Variants in NLGN1 observed in about 807,000 individuals in gnomAD.
NLGN1 encodes the protein neuroligin-1.
In NLGN1, 12 loss-of-function variants were observed where a neutral mutation model predicts 65.5. That is an observed-to-expected ratio of 0.18 (90% CI 0.12 to 0.30). NLGN1 has a LOEUF of 0.30. Among genes scored for constraint, NLGN1 ranks in the 10% least tolerant of loss-of-function variants. The pLI is 1.00. For synonymous variants in NLGN1, 350 were observed against 359.5 expected (o/e 0.97, Z 0.30); for missense variants, 750 against 1,007.1 (o/e 0.74, Z 3.46).
chr3:173,747,634 A>G (rs1185502874), intron 3 of NLGN1, among the ~76,000 whole-genome samples: 1 of 150,566 alleles, frequency 6.6e-6, no homozygotes, highest in Non-Finnish European at 1.5e-5. Flanking sequence ...AGTGACACAT[A>G]TTTCCTTTTT....
chr3:173,737,613 A>C (rs1390028853), intron 3 of NLGN1, among the ~76,000 whole-genome samples: 1 of 152,230 alleles, frequency 6.6e-6, no homozygotes, highest in East Asian at 1.9e-4. Context: ...TTGCACAATA[A>C]TATTACATTG....
In NLGN1 at chr3:173,456,550, T is replaced by A. The variant is rs193017494; in HGVS notation, c.-321+21472T>A. On this transcript the variant is annotated intron_variant, in intron 2 of 6. Coordinates refer to ENST00000457714, the Ensembl canonical transcript of NLGN1. ...AAGAGCACCTGGATTACAGGAAACA[T>A]TCAATGATTGTAGCTATAGTATCTG... Among the ~76,000 whole-genome samples the A allele has an allele frequency of 1.3e-3, 204 of 152,286 alleles. 1 individual carries two copies. Among genetic ancestry groups the A allele is most frequent in the African/African-American group, 4.8e-3 (198 of 41,572 alleles).
chr3:173,865,240 T>C (rs1488939827), intron 4 of NLGN1, among the ~76,000 whole-genome samples: 2 of 152,140 alleles, frequency 1.3e-5, no homozygotes, highest in Admixed American at 6.6e-5. Context: ...TTCACTGAGT[T>C]TCTTTTTTTT....
chr3:173,782,780 C>T (rs1489064795), intron 3 of NLGN1, among the ~76,000 whole-genome samples: 3 of 150,450 alleles, frequency 2.0e-5, no homozygotes, highest in Non-Finnish European at 2.9e-5. Context: ...CATGTCTTAT[C>T]ACCTTGCTTA....
intron 2 of NLGN1, among the ~76,000 whole-genome samples, chr3:173,592,863 C>T (rs1053463503): frequency 6.6e-6 from 1 of 151,994 alleles, no homozygotes; most frequent in Admixed American, 6.6e-5. Context: ...GATCTCACAC[C>T]CCTAAAATGG....
At chr3:173,445,267 C>CAAAAA (rs60140480) in intron 2 of NLGN1, among the ~76,000 whole-genome samples, 37 of 103,482 alleles carry the variant, frequency 3.6e-4, no homozygotes, top group African/African-American at 1.5e-3. Context: ...GACTCCGTCT[C>CAAAAA]AAAAAAAAAA....
At chr3:174,221,868 G>A (rs1738726503) in intron 4 of NLGN1, among the ~76,000 whole-genome samples, 1 of 151,720 alleles carries the variant, frequency 6.6e-6, no homozygotes, top group South Asian at 2.1e-4. Context: ...TTATCACATG[G>A]ACTTCTCTGT....
At chr3:173,910,575 A>G (rs1191801422) in intron 4 of NLGN1, 3 of 152,210 alleles carry the variant, frequency 2.0e-5, no homozygotes, top group Non-Finnish European at 2.9e-5. Context: ...ATTTTCTAGT[A>G]TCCTTTGATT....
chr3:173,545,875 A>G (rs935221163), intron 2 of NLGN1, among the ~76,000 whole-genome samples: 7 of 152,246 alleles, frequency 4.6e-5, no homozygotes, highest in African/African-American at 1.2e-4. Flanking sequence ...GTTTTCACTC[A>G]TAAGTGGGAG....
Position 174,084,382 on chromosome 3 carries a change from G to A in NLGN1, c.647-190933G>A, listed in dbSNP as rs186943392. On this transcript the variant is annotated intron_variant, in intron 4 of 6. Coordinates refer to ENST00000457714, the Ensembl canonical transcript of NLGN1. Reference sequence around the variant, plus strand: ...TGAATAGGTTGCAGCAAAAATTAACGTATCTTCACATAGAAATTTTCTCCA... The same window carrying A: ...TGAATAGGTTGCAGCAAAAATTAACATATCTTCACATAGAAATTTTCTCCA... 8.5e-4 allele frequency among the ~76,000 whole-genome samples: 129 copies of A among 152,068 alleles called. No homozygotes were observed. The East Asian group carries it at 0.02, about 24-fold the overall frequency.
At chr3:173,589,880 G>T (rs2149393316) in intron 2 of NLGN1, among the ~76,000 whole-genome samples, 1 of 152,190 alleles carries the variant, frequency 6.6e-6, no homozygotes, top group African/African-American at 2.4e-5. Context: ...AATTGTCATT[G>T]CTTTTTAAAA....
Position 173,471,644 on chromosome 3 carries a change from G to T in NLGN1, c.-321+36566G>T, listed in dbSNP as rs111871472. Among the ~76,000 whole-genome samples the T allele has an allele frequency of 9.8e-3, 1,490 of 152,030 alleles. 13 individuals carry two copies. Among genetic ancestry groups the T allele is most frequent in the South Asian group, 0.034 (163 of 4,818 alleles). On this transcript the variant is annotated intron_variant, in intron 2 of 6. Transcript: ENST00000457714. The stretch of plus-strand genomic sequence containing the variant: ...TTAGGATATTGACATATGAATTTTG[G>T]TAGGGACATAATTCAACTAATAACA...
intron 4 of NLGN1, among the ~76,000 whole-genome samples, chr3:173,849,309 T>C (rs1236829357): frequency 6.6e-6 from 1 of 152,098 alleles, no homozygotes; most frequent in Non-Finnish European, 1.5e-5. Context: ...CCTTTCTGTC[T>C]CTACTGAACT....
intron 4 of NLGN1, among the ~76,000 whole-genome samples, chr3:173,923,625 C>T (rs1323845803): frequency 6.6e-6 from 1 of 152,076 alleles, no homozygotes; most frequent in Non-Finnish European, 1.5e-5. Context: ...ATGACATAAT[C>T]TCCCTCTCAC....
intron 4 of NLGN1, among the ~76,000 whole-genome samples, chr3:174,046,073 G>T (rs1431201156): frequency 6.6e-6 from 1 of 152,106 alleles, no homozygotes; most frequent in East Asian, 1.9e-4. Flanking sequence ...AAAGAGAAAG[G>T]TGCTATCTCA....
chr3:174,210,062 C>T (rs1218835033), intron 4 of NLGN1, among the ~76,000 whole-genome samples: 1 of 152,134 alleles, frequency 6.6e-6, no homozygotes, highest in Non-Finnish European at 1.5e-5. Flanking sequence ...GATGCCTTTT[C>T]CTGGAAAGTT....
chr3:173,760,907 A>G (rs1241845146), intron 3 of NLGN1, among the ~76,000 whole-genome samples: 1 of 152,056 alleles, frequency 6.6e-6, no homozygotes, highest in Non-Finnish European at 1.5e-5. Flanking sequence ...TATCACAAAA[A>G]TCATCCCAGT....
chr3:174,130,151 G>A (rs980302109), intron 4 of NLGN1, among the ~76,000 whole-genome samples: 2 of 152,182 alleles, frequency 1.3e-5, no homozygotes, highest in African/African-American at 4.8e-5. Flanking sequence ...AAGGCAGGTG[G>A]AGCACCTGAG....
At chr3:173,524,889 A>G (rs755154857) in intron 2 of NLGN1, among the ~76,000 whole-genome samples, 56 of 152,288 alleles carry the variant, frequency 3.7e-4, no homozygotes, top group Middle Eastern at 3.4e-3. Context: ...TATGTGAACC[A>G]TCCTTGCATT....
Sources: gnomAD v4.1 joint callset for allele counts (sites outside exome capture counted in the v4.1 genomes callset) on GRCh38, gnomAD v4.1.1 for gene constraint, MANE v1.5 for transcripts, NCBI Gene and HGNC (gene_info 2026-07-23, HGNC 2026-07-21) for gene names.